FRY: variants seen among roughly 807,000 people sequenced by gnomAD.
FRY encodes FRY microtubule binding protein.
FRY carries 128 observed loss-of-function variants against 348.4 expected under a neutral mutation model. The ratio of observed to expected loss-of-function variants is 0.37; its 90% CI spans 0.32 to 0.43. FRY has a LOEUF of 0.43. FRY is among the 20% of genes least tolerant of loss of function. The probability of loss-of-function intolerance (pLI) is 1.00; values close to 1 mark genes in which losing one functional copy is unlikely to be tolerated. For missense variants in FRY, 2,736 were observed against 3,695.2 expected (o/e 0.74, Z 6.73); for synonymous variants, 1,370 against 1,374.7 (o/e 1.00, Z 0.08).
chr13:32,112,367 G>A (rs1878026451), intron 3 of FRY, among the ~76,000 whole-genome samples: 1 of 151,982 alleles, frequency 6.6e-6, no homozygotes, highest in Non-Finnish European at 1.5e-5. Context: ...ATCCCAATGA[G>A]GTAAGTATTT....
intron 53 of FRY, among the ~76,000 whole-genome samples, chr13:32,265,201 C>G (rs563296495): frequency 6.6e-6 from 1 of 152,038 alleles, no homozygotes; most frequent in Non-Finnish European, 1.5e-5. Context: ...GGGCCAAGTA[C>G]GAAAATCTAC....
intron 1 of FRY, among the ~76,000 whole-genome samples, chr13:32,052,472 A>G (rs1379551831): frequency 6.6e-6 from 1 of 152,256 alleles, no homozygotes; most frequent in Admixed American, 6.5e-5. Flanking sequence ...TAATAGCGAC[A>G]TTAAAAAGAG....
At chr13:32,075,756 G>C (rs1226429614) in intron 1 of FRY, among the ~76,000 whole-genome samples, 1 of 152,174 alleles carries the variant, frequency 6.6e-6, no homozygotes, top group Non-Finnish European at 1.5e-5. Flanking sequence ...AGGATGAAGA[G>C]GGTTACTGAA....
intron 50 of FRY, among the ~76,000 whole-genome samples, chr13:32,252,920 C>T (rs1887157631): frequency 6.6e-6 from 1 of 152,008 alleles, no homozygotes; most frequent in African/African-American, 2.4e-5. Context: ...ACAGAGGGGA[C>T]AGTGGCAGAG....
At position 32,124,840 on chromosome 13, in the gene FRY, G is replaced by A; in HGVS notation, c.681G>A (p.Leu227=). The change falls in exon 7 of 61, where the codon CTG becomes CTA. Residue 227 remains leucine, a synonymous_variant. Coordinates refer to ENST00000542859, the MANE Select transcript of FRY (RefSeq NM_023037.3). ...GCAATATGCATATTGTGGCAGACCT[G>A]TATGCAGAAGTCATTGGAGTGTTGG... ...NTGNMHIVAD[L]YAEVIGVLAQ... 6.2e-7 allele frequency: 1 copy of A among 1,613,252 alleles called. No individual in the cohort carries two copies. The highest frequency in any genetic ancestry group is 8.5e-7 in the Non-Finnish European group (1 of 1,179,156).
chr13:32,049,564 A>C (rs907303400), intron 1 of FRY, among the ~76,000 whole-genome samples: 7 of 152,276 alleles, frequency 4.6e-5, no homozygotes, highest in Admixed American at 1.3e-4. Flanking sequence ...CCTCCCAAGT[A>C]GCTGGGACTA....
At chr13:32,211,229 G>GGAGGCT (rs1468567287) in intron 34 of FRY, among the ~76,000 whole-genome samples, 195 bp downstream of exon 34, 3 of 152,230 alleles carry the variant, frequency 2.0e-5, no homozygotes, top group Admixed American at 6.5e-5. Flanking sequence ...CAGCACTTTG[G>GGAGGCT]GAGGCTGAGG....
At chr13:32,210,624 T>G (rs1474034307) in intron 33 of FRY, among the ~76,000 whole-genome samples, 1 of 152,178 alleles carries the variant, frequency 6.6e-6, no homozygotes, top group Non-Finnish European at 1.5e-5. Context: ...AAAAGTAACT[T>G]TTAAAAACTT....
chr13:32,178,439 A>G lies in FRY; in HGVS notation c.2681+3A>G. The G allele has an allele frequency of 6.2e-7, 1 of 1,614,054 alleles. No individual in the cohort carries two copies. Among genetic ancestry groups the G allele is most frequent in the Non-Finnish European group, 8.5e-7 (1 of 1,179,948 alleles). ...GTGATGCCTCTGGTGGACCCAAAGT[A>G]AGGGATTCTTGTGTTTTCCTCTGCC... is the stretch of plus-strand genomic sequence containing the variant. On this transcript the variant is annotated splice_donor_region_variant and intron_variant, in intron 21 of 60. Coordinates refer to ENST00000542859, the MANE Select transcript of FRY (RefSeq NM_023037.3).
chr13:32,090,278 T>C (rs1348648599), intron 2 of FRY, among the ~76,000 whole-genome samples: 1 of 138,858 alleles, frequency 7.2e-6, no homozygotes, highest in Non-Finnish European at 1.5e-5. Context: ...AACCCGGAAG[T>C]CGGAGGTTGC....
At chr13:32,055,954 A>T (rs1003901773) in intron 1 of FRY, among the ~76,000 whole-genome samples, 4 of 152,122 alleles carry the variant, frequency 2.6e-5, no homozygotes, top group Non-Finnish European at 4.4e-5. Context: ...GCACTTTGGG[A>T]GGCCGAGGTG....
At position 32,237,471 on chromosome 13, in the gene FRY, G is replaced by A; in HGVS notation, c.5903G>A (p.Gly1968Asp). ...AACATGAACCCGGGAACCACCAGCG[G>A]CAACACCGCAACTGCCGAACGGAGC... ...QLNMNPGTTS[G>D]NTATAERSRH... Residue 1968 changes from glycine (G) to aspartate (D), a missense_variant, in exon 44 of 61, where the codon GGC becomes GAC. Physicochemically the swap from Gly to Asp is moderately conservative, Grantham distance 94. Transcript: ENST00000542859. The surrounding 1 kb of genome is among the most constrained non-coding windows in gnomAD (Gnocchi z 6.3). 1 of 1,614,074 alleles carries A rather than the reference G, an allele frequency of 6.2e-7. No individual in the cohort carries two copies. The highest frequency in any genetic ancestry group is 2.2e-5 in the East Asian group (1 of 44,866).
chr13:32,213,612 T>C (rs1047358180), intron 35 of FRY, among the ~76,000 whole-genome samples: 1 of 152,264 alleles, frequency 6.6e-6, no homozygotes, highest in Non-Finnish European at 1.5e-5. Context: ...TTACCTTCTT[T>C]GGAAAACTAC....
intron 17 of FRY, among the ~76,000 whole-genome samples, chr13:32,169,012 C>T (rs574908059): frequency 6.6e-6 from 1 of 152,328 alleles, no homozygotes; most frequent in Admixed American, 6.5e-5. Flanking sequence ...CTTAACCACT[C>T]TGGGCGACAA....
intron 3 of FRY, among the ~76,000 whole-genome samples, chr13:32,107,520 A>C (rs1433654911): frequency 6.6e-6 from 1 of 152,088 alleles, no homozygotes; most frequent in Non-Finnish European, 1.5e-5. Flanking sequence ...CTTTTCACAA[A>C]CTTCAGGAAT....
chr13:32,063,485 G>A (rs891929985), intron 1 of FRY, among the ~76,000 whole-genome samples: 2 of 152,130 alleles, frequency 1.3e-5, no homozygotes, highest in Non-Finnish European at 2.9e-5. Flanking sequence ...TTTGCATTGT[G>A]ACCCAGAACT....
intron 1 of FRY, chr13:32,060,809 G>A: frequency 3.5e-6 from 1 of 285,968 alleles, no homozygotes; most frequent in Non-Finnish European, 7.0e-6. Flanking sequence ...TAGACATACG[G>A]GCACTCTGTG....
chr13:32,129,593 C>A (rs1046985630), intron 7 of FRY, among the ~76,000 whole-genome samples: 1 of 152,054 alleles, frequency 6.6e-6, no homozygotes, highest in Non-Finnish European at 1.5e-5. Flanking sequence ...CTGTAGAAGT[C>A]CACCAAATGC....
At chr13:32,205,231 G>A (rs376435269) in intron 31 of FRY, among the ~76,000 whole-genome samples, 8 of 149,238 alleles carry the variant, frequency 5.4e-5, no homozygotes, top group African/African-American at 1.7e-4. Flanking sequence ...AAAGGTGTGC[G>A]ATCAAATGAT....
Sources: gnomAD v4.1 joint callset for allele counts (sites outside exome capture counted in the v4.1 genomes callset) on GRCh38, gnomAD v4.1.1 for gene constraint, Gnocchi (gnomAD v3.1) non-coding constraint, MANE v1.5 for transcripts, NCBI Gene and HGNC (gene_info 2026-07-23, HGNC 2026-07-21) for gene names.